The following NEGR1 variants were observed in gnomAD, a reference collection of about 807,000 sequenced individuals.
NEGR1 encodes IgLON family member 4.
A neutral mutation model predicts 40.9 loss-of-function variants in NEGR1; 10 were observed. The ratio of observed to expected loss-of-function variants is 0.24; its 90% confidence interval spans 0.15 to 0.42. The LOEUF (loss-of-function observed/expected upper bound fraction) is 0.42. NEGR1 is among the 10% of genes least tolerant of loss of function. The pLI, the probability that NEGR1 is intolerant of heterozygous loss-of-function variation, is 1.00. For missense variants in NEGR1, 352 were observed against 438.9 expected, an observed-to-expected ratio of 0.80 and a Z score of 1.77; for synonymous variants, 185 against 166.8, an observed-to-expected ratio of 1.11 and a Z score of -0.84.
chr1:71,754,164 G>C (rs1218114410), intron 3 of NEGR1, among the ~76,000 whole-genome samples: 3 of 152,162 alleles, frequency 2.0e-5, no homozygotes, highest in African/African-American at 7.2e-5. Context: ...TAGCAGAGCT[G>C]AGGAAGTGGA....
At chr1:71,962,809 T>A (rs927411878) in intron 1 of NEGR1, among the ~76,000 whole-genome samples, 1 of 151,538 alleles carries the variant, frequency 6.6e-6, no homozygotes, top group Middle Eastern at 3.4e-3. Flanking sequence ...TTGTTCTTCA[T>A]CTCAACTGAA....
intron 6 of NEGR1, among the ~76,000 whole-genome samples, chr1:71,443,715 A>C (rs150896664): frequency 4.3e-4 from 66 of 152,348 alleles, no homozygotes; most frequent in African/African-American, 1.4e-3. Context: ...TCAGTTGAAT[A>C]TGCTTTGCCT....
At chr1:72,040,335 T>C (rs1257860206) in intron 1 of NEGR1, among the ~76,000 whole-genome samples, 2 of 151,790 alleles carry the variant, frequency 1.3e-5, no homozygotes, top group African/African-American at 4.8e-5. Context: ...GACAAGAGCA[T>C]CACAGTAGCT....
Position 72,096,735 on chromosome 1 carries a change from C to T in NEGR1, c.177-161424G>A, listed in dbSNP as rs1365114027. 5.9e-5 allele frequency among the ~76,000 whole-genome samples: 9 copies of T among 152,130 alleles called. No individual in the cohort carries two copies. The East Asian group carries it at 1.7e-3, about 29-fold the overall frequency. On this transcript the variant is annotated intron_variant, in intron 1 of 6. Transcript: ENST00000357731. ...GGAGTGCAGTGGTGCGATTTTGGCT[C>T]ACTGCAGCTCCACCTCCCGGGTTCA...
chr1:72,260,061 T>G (rs1655404618), intron 1 of NEGR1, among the ~76,000 whole-genome samples: 1 of 152,094 alleles, frequency 6.6e-6, no homozygotes, highest in South Asian at 2.1e-4. Context: ...ACTAAGTGCT[T>G]TATACAAATT....
chr1:71,922,427 T>C (rs1238270234), intron 2 of NEGR1, among the ~76,000 whole-genome samples: 1 of 152,162 alleles, frequency 6.6e-6, no homozygotes, highest in Non-Finnish European at 1.5e-5. Flanking sequence ...TAGGCAAAAA[T>C]GAGTGCATAA....
intron 1 of NEGR1, among the ~76,000 whole-genome samples, chr1:72,083,494 G>T (rs545450995): frequency 1.3e-5 from 2 of 151,942 alleles, no homozygotes; most frequent in East Asian, 3.9e-4. Flanking sequence ...AAGTAGTTGG[G>T]ACTACAGGCA....
intron 6 of NEGR1, among the ~76,000 whole-genome samples, chr1:71,535,455 C>CT (rs1478069801): frequency 5.9e-5 from 9 of 151,670 alleles, no homozygotes; most frequent in Non-Finnish European, 1.2e-4. Context: ...CATAGAAAGG[C>CT]TTTTAAAAGA....
rs1460647959 is a variant in NEGR1 at position 71,853,453 on chromosome 1, T to C, written c.410-77156A>G. ...GTCCATTAAAATATATATGTTAGTGTTGATATTTTTACAAAGACAATTGTG... is the reference window on the plus strand; with the variant it reads ...GTCCATTAAAATATATATGTTAGTGCTGATATTTTTACAAAGACAATTGTG... On this transcript the variant is annotated intron_variant, in intron 2 of 6. Coordinates refer to ENST00000357731, the MANE Select transcript of NEGR1 (RefSeq NM_173808.3). Among the ~76,000 whole-genome samples the C allele has an allele frequency of 3.3e-5, 5 of 152,258 alleles. No homozygotes were observed. In the East Asian group the frequency reaches 5.8e-4, roughly 18 times the overall value.
Position 71,791,502 on chromosome 1 carries a change from T to A in NEGR1, c.410-15205A>T, listed in dbSNP as rs908875170. Among the ~76,000 whole-genome samples, 14 of 152,158 alleles carry A rather than the reference T, an allele frequency of 9.2e-5. No homozygotes were observed. The East Asian group carries it at 2.7e-3, about 29-fold the overall frequency. ...ATAAATTATGGCTTTTTTAAAAAAA[T>A]ATTTATCAGTAGCCTGCCTACCAAC... On this transcript the variant is annotated intron_variant, in intron 2 of 6. Coordinates refer to ENST00000357731, the MANE Select transcript of NEGR1 (RefSeq NM_173808.3).
intron 2 of NEGR1, among the ~76,000 whole-genome samples, chr1:71,866,184 G>A (rs907384500): frequency 2.6e-5 from 4 of 151,880 alleles, no homozygotes; most frequent in African/African-American, 9.7e-5. Flanking sequence ...ACTCTTTCTT[G>A]GGTTACAAAA....
intron 1 of NEGR1, among the ~76,000 whole-genome samples, chr1:72,277,392 GTCTA>G (rs762089582): frequency 8.5e-5 from 13 of 152,146 alleles, no homozygotes; most frequent in South Asian, 2.1e-4. Context: ...TAATTGCAAA[GTCTA>G]TCTATTTAAA....
intron 6 of NEGR1, among the ~76,000 whole-genome samples, chr1:71,461,042 T>C (rs773227965): frequency 6.6e-6 from 1 of 152,180 alleles, no homozygotes; most frequent in Non-Finnish European, 1.5e-5. Context: ...TGGTGAACTT[T>C]CTACTCAGGG....
intron 4 of NEGR1, among the ~76,000 whole-genome samples, chr1:71,674,497 T>G (rs548117090): frequency 6.3e-4 from 96 of 152,246 alleles, no homozygotes; most frequent in African/African-American, 2.1e-3. Flanking sequence ...AGACTTTGTA[T>G]TACATTAGCT....
At chr1:71,751,938 A>C (rs1655583944) in intron 3 of NEGR1, among the ~76,000 whole-genome samples, 1 of 152,208 alleles carries the variant, frequency 6.6e-6, no homozygotes, top group African/African-American at 2.4e-5. Context: ...AAAGTCATAG[A>C]ATTTGCTGGA....
At chr1:71,417,425 T>C (rs531369732) in intron 6 of NEGR1, among the ~76,000 whole-genome samples, 1 of 152,238 alleles carries the variant, frequency 6.6e-6, no homozygotes, top group South Asian at 2.1e-4. Context: ...GACTTGGAAA[T>C]ATTGACTACC....
intron 3 of NEGR1, among the ~76,000 whole-genome samples, chr1:71,754,070 C>T (rs1557639688): frequency 6.6e-6 from 1 of 151,856 alleles, no homozygotes; most frequent in South Asian, 2.1e-4. Context: ...AGGGTACTAT[C>T]AAAAAGAGGA....
chr1:71,589,720 T>C (rs1649435738), intron 6 of NEGR1, among the ~76,000 whole-genome samples: 1 of 151,998 alleles, frequency 6.6e-6, no homozygotes, highest in South Asian at 2.1e-4. Flanking sequence ...CCTCTGCTAC[T>C]CTTTTTGGTG....
intron 2 of NEGR1, among the ~76,000 whole-genome samples, chr1:71,918,468 C>A (rs912215900): frequency 1.3e-5 from 2 of 151,824 alleles, no homozygotes; most frequent in Admixed American, 6.6e-5. Flanking sequence ...TTTCTGCTTT[C>A]AAATAATTGT....
Sources: allele counts gnomAD v4.1 joint callset (sites outside exome capture counted in the v4.1 genomes callset), GRCh38; gene constraint gnomAD v4.1.1; transcripts MANE v1.5; gene names NCBI Gene and HGNC (gene_info 2026-07-23, HGNC 2026-07-21).